The following BZW2 variants were observed in gnomAD, a reference collection of about 807,000 sequenced individuals.
BZW2 encodes the protein eIF5-mimic protein 1.
BZW2 carries 23 observed loss-of-function variants against 53.2 expected under a neutral mutation model. The observed-to-expected ratio is 0.43, with a 90% confidence interval of 0.31 to 0.61. The LOEUF is 0.61. BZW2 is among the 20% of genes least tolerant of loss of function. BZW2 has a pLI of 0.09. For synonymous variants in BZW2, 227 were observed against 186.4 expected (o/e 1.22, Z -1.77); for missense variants, 409 against 503.1 (o/e 0.81, Z 1.79).
At chr7:16,665,394 C>T in intron 1 of BZW2, 43 bp from the exon 2 acceptor site, 1 of 1,611,218 alleles carries the variant, frequency 6.2e-7, no homozygotes, top group Non-Finnish European at 8.5e-7. Flanking sequence ...TCCATATAAA[C>T]TGCTTATCTG....
intron 10 of BZW2, among the ~76,000 whole-genome samples, chr7:16,702,318 A>C (rs1583758167): frequency 6.6e-6 from 1 of 152,122 alleles, no homozygotes; most frequent in East Asian, 1.9e-4. Context: ...CTCTGTGTAG[A>C]TACTTCAGTA....
Position 16,665,340 on chromosome 7 carries a change from T to C in BZW2, c.-7-97T>C, listed in dbSNP as rs546931586. On this transcript the variant is annotated intron_variant, in intron 1 of 11. Coordinates refer to ENST00000258761, the MANE Select transcript of BZW2 (RefSeq NM_014038.3). ...AAAAAGAGGCATATTCAGTAATGAG[T>C]GAGGTTGAACATATGTTCAACCAAA... is the stretch of plus-strand genomic sequence containing the variant. 9 of 1,404,096 alleles carry C rather than the reference T, an allele frequency of 6.4e-6. No homozygotes were observed. In the South Asian group the frequency reaches 1.1e-4, roughly 17 times the overall value. 87.0% of individuals were successfully genotyped at this position (1,404,096 alleles called of 1,614,324 possible).
At chr7:16,657,323 G>A (rs1782148204) in intron 1 of BZW2, among the ~76,000 whole-genome samples, 2 of 152,188 alleles carry the variant, frequency 1.3e-5, no homozygotes, top group South Asian at 4.1e-4. Context: ...ATCACATCAT[G>A]TATATAGAAT....
chr7:16,685,437 C>A (rs1783084911), intron 5 of BZW2, among the ~76,000 whole-genome samples: 1 of 149,318 alleles, frequency 6.7e-6, no homozygotes. Context: ...TTGTGTGGGG[C>A]TTTTTTTTGT....
In BZW2 at chr7:16,680,758, A is replaced by G. The variant is rs1041952023; in HGVS notation, c.236-543A>G. The stretch of plus-strand genomic sequence containing the variant: ...CTGGAGGTTGAGACTGCAGTGAGCC[A>G]TAATTGCACCACTGCACTCCAGCAA... On this transcript the variant is annotated intron_variant, in intron 3 of 11. Coordinates refer to ENST00000258761, the MANE Select transcript of BZW2 (RefSeq NM_014038.3). 2.6e-5 allele frequency among the ~76,000 whole-genome samples: 4 copies of G among 152,194 alleles called. No homozygotes were observed. In the East Asian group the frequency reaches 5.8e-4, roughly 22 times the overall value.
intron 1 of BZW2, among the ~76,000 whole-genome samples, chr7:16,652,957 G>A (rs370140602): frequency 1.4e-4 from 22 of 152,264 alleles, no homozygotes; most frequent in Non-Finnish European, 2.8e-4. Context: ...TGTCATCAGC[G>A]TGCCCTAGAC....
At position 16,664,423 on chromosome 7, in the gene BZW2, G is replaced by A. The variant is rs553166285; in HGVS notation, c.-7-1014G>A. 3.3e-5 allele frequency among the ~76,000 whole-genome samples: 5 copies of A among 152,368 alleles called. No homozygotes were observed. In the South Asian group the frequency reaches 1.0e-3, roughly 32 times the overall value. ...TTTTCAGGGAGGCATTTGAATGATT[G>A]CAAGGAGATAGCCATGTGGACAGCT... is the stretch of plus-strand genomic sequence containing the variant. On this transcript the variant is annotated intron_variant, in intron 1 of 11. Coordinates refer to ENST00000258761, the MANE Select transcript of BZW2 (RefSeq NM_014038.3).
At chr7:16,652,135 C>T (rs910388869) in intron 1 of BZW2, among the ~76,000 whole-genome samples, 3 of 152,112 alleles carry the variant, frequency 2.0e-5, no homozygotes, top group African/African-American at 7.2e-5. Context: ...AATTCCTGAC[C>T]TCAGCCAAGT....
chr7:16,646,825 T>C (rs1208740832), intron 1 of BZW2, among the ~76,000 whole-genome samples: 1 of 151,882 alleles, frequency 6.6e-6, no homozygotes, highest in African/African-American at 2.4e-5. Context: ...TTAAAGATGT[T>C]TGGAAACAAT....
At chr7:16,685,761 CT>C (rs1562491106) in intron 5 of BZW2, 143 bp from the exon 6 acceptor site, 28 of 1,036,584 alleles carry the variant, frequency 2.7e-5, no homozygotes, top group Non-Finnish European at 3.3e-5. Context: ...AATTACTATG[CT>C]TTGCATATGA....
chr7:16,660,395 A>G (rs1268375475), intron 1 of BZW2, among the ~76,000 whole-genome samples: 3 of 136,968 alleles, frequency 2.2e-5, no homozygotes, highest in African/African-American at 5.5e-5. Context: ...GCGAGACTCC[A>G]TATTTAAAAA....
At chr7:16,679,778 A>G (rs1782881088) in intron 3 of BZW2, among the ~76,000 whole-genome samples, 1 of 152,252 alleles carries the variant, frequency 6.6e-6, no homozygotes, top group Non-Finnish European at 1.5e-5. Flanking sequence ...GTATAAGTAT[A>G]TACACTAGAA....
chr7:16,686,773 T>C (rs549953019), intron 6 of BZW2: 2 of 152,302 alleles, frequency 1.3e-5, no homozygotes, highest in Admixed American at 1.3e-4. Context: ...TTCATGCCTA[T>C]AGTGAAAGAA....
chr7:16,668,489 A>G (rs901089678), intron 2 of BZW2, among the ~76,000 whole-genome samples: 12 of 152,156 alleles, frequency 7.9e-5, no homozygotes, highest in Non-Finnish European at 1.8e-4. Context: ...CTGATGGGGG[A>G]ATAAAAATTG....
intron 2 of BZW2, 85 bp from the exon 3 acceptor site, chr7:16,674,327 G>T: frequency 9.3e-7 from 1 of 1,070,082 alleles, no homozygotes; most frequent in Non-Finnish European, 1.3e-6. Flanking sequence ...TCCTATCTTA[G>T]ATAAAATAGA....
intron 2 of BZW2, among the ~76,000 whole-genome samples, chr7:16,668,727 C>G (rs1426327476): frequency 6.6e-6 from 1 of 152,224 alleles, no homozygotes; most frequent in East Asian, 1.9e-4. Context: ...AGTGCTCCTG[C>G]ATGCCAAGTT....
At chr7:16,692,012 A>G (rs1783325036) in intron 7 of BZW2, among the ~76,000 whole-genome samples, 1 of 152,184 alleles carries the variant, frequency 6.6e-6, no homozygotes. Flanking sequence ...TGCCTGCCTG[A>G]TATTTGTTGA....
chr7:16,661,605 A>G (rs1161669584), intron 1 of BZW2, among the ~76,000 whole-genome samples: 1 of 152,184 alleles, frequency 6.6e-6, no homozygotes, highest in African/African-American at 2.4e-5. Flanking sequence ...CGATTCATTA[A>G]TATAGTATCA....
At position 16,663,791 on chromosome 7, in the gene BZW2, C is replaced by T. The variant is rs186142131; in HGVS notation, c.-7-1646C>T. ...GTTTGGACTTCATAATTGAAGCAAT[C>T]TAGACATATTTTCAGTTTATAATAT... On this transcript the variant is annotated intron_variant, in intron 1 of 11. Coordinates refer to ENST00000258761, the MANE Select transcript of BZW2 (RefSeq NM_014038.3). 3.6e-3 allele frequency among the ~76,000 whole-genome samples: 544 copies of T among 152,252 alleles called. 4 individuals carry two copies. The highest frequency in any genetic ancestry group is 0.012 in the African/African-American group (518 of 41,546).
Sources: allele counts gnomAD v4.1 joint callset (sites outside exome capture counted in the v4.1 genomes callset), GRCh38; gene constraint gnomAD v4.1.1; transcripts MANE v1.5; gene names NCBI Gene and HGNC (gene_info 2026-07-23, HGNC 2026-07-21).